The following IL1RAPL1 variants were observed in gnomAD, a reference collection of about 807,000 sequenced individuals.
IL1RAPL1 encodes interleukin 1 receptor accessory protein like 1.
Under a neutral mutation model 48.4 loss-of-function variants are expected in IL1RAPL1, and 3 were observed. The ratio of observed to expected loss-of-function variants is 0.06; its 90% confidence interval spans 0.03 to 0.16. The LOEUF (loss-of-function observed/expected upper bound fraction) is 0.16, where lower values mean the gene tolerates loss of function less well. Ranked by LOEUF, IL1RAPL1 falls within the 10% of genes least tolerant of loss-of-function variation. The pLI, the probability that IL1RAPL1 is intolerant of heterozygous loss-of-function variation, is 1.00. For synonymous variants in IL1RAPL1, 185 were observed against 187.7 expected (o/e 0.99, Z 0.12); for missense variants, 349 against 530.6 (o/e 0.66, Z 3.36).
chrX:29,423,693 A>G (rs1602228182), intron 5 of IL1RAPL1, among the ~76,000 whole-genome samples: 1 of 111,908 alleles, frequency 8.9e-6, no homozygotes, highest in East Asian at 2.8e-4. Flanking sequence ...TCTTTAAGGC[A>G]GATGAGAATT....
At chrX:28,891,944 T>A (rs1922780841) in intron 2 of IL1RAPL1, among the ~76,000 whole-genome samples, 1 of 111,922 alleles carries the variant, frequency 8.9e-6, no homozygotes, top group African/African-American at 3.2e-5. Context: ...ATTATAGTTT[T>A]AATTTATTAT....
intron 2 of IL1RAPL1, among the ~76,000 whole-genome samples, chrX:28,797,791 C>CT (rs1936630553): frequency 8.9e-6 from 1 of 111,875 alleles, no homozygotes; most frequent in Admixed American, 9.5e-5. Context: ...TTTCCGGTAT[C>CT]TTTTCAGCAA....
At chrX:29,274,006 A>G (rs1275211288) in intron 2 of IL1RAPL1, among the ~76,000 whole-genome samples, 1 of 112,139 alleles carries the variant, frequency 8.9e-6, no homozygotes, top group Non-Finnish European at 1.9e-5. Flanking sequence ...CAGCTGGAAA[A>G]AAAACACATG....
intron 2 of IL1RAPL1, among the ~76,000 whole-genome samples, chrX:29,253,738 A>G (rs1471964905): frequency 9.0e-6 from 1 of 111,114 alleles, no homozygotes; most frequent in Non-Finnish European, 1.9e-5. Context: ...TTTCATATCA[A>G]CTATAGTAGG....
At chrX:28,985,540 C>T (rs866984533) in intron 2 of IL1RAPL1, among the ~76,000 whole-genome samples, 7 of 112,228 alleles carry the variant, frequency 6.2e-5, no homozygotes, top group Non-Finnish European at 1.1e-4. Flanking sequence ...TGGTAAACCA[C>T]ATCTGAATTT....
At chrX:29,430,593 A>G (rs4829421) in intron 5 of IL1RAPL1, among the ~76,000 whole-genome samples, 2,277 of 50,767 alleles carry the variant, frequency 0.045, 78 homozygotes, top group African/African-American at 0.18. Context: ...ATATATATAT[A>G]TGTGTGTGTG....
intron 5 of IL1RAPL1, among the ~76,000 whole-genome samples, chrX:29,421,000 A>G (rs980528246): frequency 2.7e-5 from 3 of 112,081 alleles, no homozygotes; most frequent in Non-Finnish European, 3.8e-5. Context: ...TATAGGGTCA[A>G]TTGAAGTGTT....
chrX:29,232,019 G>A (rs1391324045), intron 2 of IL1RAPL1, among the ~76,000 whole-genome samples: 1 of 111,628 alleles, frequency 9.0e-6, no homozygotes, highest in Admixed American at 9.6e-5. Flanking sequence ...GAGCCATCTA[G>A]TGGATAAGGA....
chrX:28,710,033 T>C (rs1290634867), intron 1 of IL1RAPL1, among the ~76,000 whole-genome samples: 1 of 111,674 alleles, frequency 9.0e-6, no homozygotes, highest in African/African-American at 3.3e-5. Context: ...GAGATGCTTG[T>C]AATTTATTGT....
intron 2 of IL1RAPL1, among the ~76,000 whole-genome samples, chrX:29,062,742 C>T (rs1172883728): frequency 9.0e-6 from 1 of 111,327 alleles, no homozygotes; most frequent in Non-Finnish European, 1.9e-5. Context: ...TTAAGCTTCC[C>T]TTTTAATATT....
intron 2 of IL1RAPL1, among the ~76,000 whole-genome samples, chrX:29,068,881 T>C (rs984192600): frequency 1.8e-5 from 2 of 112,004 alleles, no homozygotes; most frequent in South Asian, 3.7e-4. Context: ...TCTGGCTTCA[T>C]TGTGAATGAT....
intron 2 of IL1RAPL1, among the ~76,000 whole-genome samples, chrX:29,137,484 T>G (rs73210085): frequency 8.9e-6 from 1 of 111,840 alleles, no homozygotes; most frequent in African/African-American, 3.2e-5. Flanking sequence ...TCATAGAGAC[T>G]TTTTTCCTTA....
At chrX:28,680,132 T>C (rs913530933) in intron 1 of IL1RAPL1, among the ~76,000 whole-genome samples, 2 of 111,657 alleles carry the variant, frequency 1.8e-5, no homozygotes, top group African/African-American at 6.5e-5. Context: ...TTCTTTTATT[T>C]TCCTAATCAA....
At chrX:28,785,452 A>G (rs1165839590) in intron 1 of IL1RAPL1, among the ~76,000 whole-genome samples, 1 of 111,732 alleles carries the variant, frequency 8.9e-6, no homozygotes, top group Non-Finnish European at 1.9e-5. Context: ...TTCTCACAAT[A>G]CACAAACTCT....
intron 6 of IL1RAPL1, among the ~76,000 whole-genome samples, chrX:29,790,233 T>C (rs1465267130): frequency 1.8e-5 from 2 of 112,283 alleles, no homozygotes; most frequent in Non-Finnish European, 3.8e-5. Context: ...TACAGCAATA[T>C]ACTTAGTGCT....
intron 2 of IL1RAPL1, among the ~76,000 whole-genome samples, chrX:28,938,261 A>G: frequency 8.9e-6 from 1 of 111,783 alleles, no homozygotes; most frequent in Non-Finnish European, 1.9e-5. Flanking sequence ...AACTGACTTC[A>G]AGCTATACAA....
At chrX:29,213,963 A>G (rs1930818874) in intron 2 of IL1RAPL1, among the ~76,000 whole-genome samples, 3 of 111,436 alleles carry the variant, frequency 2.7e-5, no homozygotes. Context: ...ATCTTTGTCA[A>G]TTTTGCTCAT....
chrX:29,394,723 CA>C (rs1276604485), intron 3 of IL1RAPL1, among the ~76,000 whole-genome samples: 3 of 111,376 alleles, frequency 2.7e-5, no homozygotes, highest in African/African-American at 9.8e-5. Context: ...CTTATTCTAG[CA>C]AAATTCCTGA....
At position 29,039,639 on chromosome X, in the gene IL1RAPL1, G is replaced by A. The variant is rs187948841; in HGVS notation, c.83-243299G>A. Among the ~76,000 whole-genome samples the A allele has an allele frequency of 1.6e-4, 18 of 110,258 alleles. No individual in the cohort carries two copies. In the East Asian group the frequency reaches 4.3e-3, roughly 26 times the overall value. ...CCCTTTGTGCTCTAGCTTTTCACTA[G>A]TGGAAATCGCCCACTCTATCACAAA... On this transcript the variant is annotated intron_variant, in intron 2 of 10. Transcript: ENST00000378993.
Sources: gnomAD v4.1 joint callset for allele counts (sites outside exome capture counted in the v4.1 genomes callset) on GRCh38, gnomAD v4.1.1 for gene constraint, MANE v1.5 for transcripts, NCBI Gene and HGNC (gene_info 2026-07-23, HGNC 2026-07-21) for gene names.